Variants in VTI1A observed in about 807,000 individuals in gnomAD.
VTI1A encodes vesicle transport through interaction with t-SNAREs 1A, also known as vesicle transport through interaction with t-SNAREs homolog 1A.
In VTI1A, 22 loss-of-function variants were observed where a neutral mutation model predicts 34.9. The observed-to-expected ratio is 0.63, with a 90% CI of 0.45 to 0.90. The LOEUF is 0.90. Ranked by LOEUF, VTI1A falls within the 40% of genes least tolerant of loss-of-function variation. The pLI is 0.00. For missense variants in VTI1A, 268 were observed against 275.6 expected, an observed-to-expected ratio of 0.97 and a Z score of 0.20; for synonymous variants, 87 against 97.3, an observed-to-expected ratio of 0.89 and a Z score of 0.62.
intron 3 of VTI1A, among the ~76,000 whole-genome samples, chr10:112,498,857 G>A (rs1849122339): frequency 6.6e-6 from 1 of 152,136 alleles, no homozygotes; most frequent in Non-Finnish European, 1.5e-5. Flanking sequence ...CAGGTAGCCT[G>A]TCACTTTAAT....
At chr10:112,492,166 A>G (rs1259654070) in intron 3 of VTI1A, among the ~76,000 whole-genome samples, 1 of 151,964 alleles carries the variant, frequency 6.6e-6, no homozygotes, top group Non-Finnish European at 1.5e-5. Flanking sequence ...GTCGTCTCCA[A>G]TCTCCCCTTT....
At chr10:112,792,251 G>A (rs1029147957) in intron 7 of VTI1A, among the ~76,000 whole-genome samples, 5 of 152,164 alleles carry the variant, frequency 3.3e-5, no homozygotes, top group African/African-American at 4.8e-5. Flanking sequence ...CTCCAGCCTG[G>A]GCGACAGTGC....
At chr10:112,826,799 T>G in the VTI1A span, 1 of 152,216 alleles carries the variant, frequency 6.6e-6, no homozygotes, top group African/African-American at 2.4e-5. Flanking sequence ...GCTTTCAGTC[T>G]GCTTTGTCTG....
At chr10:112,499,487 A>G (rs570743050) in intron 3 of VTI1A, among the ~76,000 whole-genome samples, 2 of 152,318 alleles carry the variant, frequency 1.3e-5, no homozygotes, top group East Asian at 3.9e-4. Context: ...GCTTTCACCA[A>G]TGTCTATAGA....
rs1239853716 is a variant in VTI1A, at chr10:112,520,637, GTGTGTGTGTGTA to G, written c.265-6448_265-6437del. Among the ~76,000 whole-genome samples the G allele has an allele frequency of 3.9e-4, 47 of 121,248 alleles. No homozygotes were observed. The Middle Eastern group carries it at 0.017, about 44-fold the overall frequency. The allele number at this position is 121,248 out of a possible 152,430, so 79.5% of individuals were successfully genotyped here. Reference sequence around the variant, plus strand: ...AGTCTCTATATGTGTGTGTGTGTGTGTGTGTGTGTGTATATATATATATATATATATATATAA... The same window carrying G: ...AGTCTCTATATGTGTGTGTGTGTGTGTATATATATATATATATATATATAA... On this transcript the variant is annotated intron_variant, in intron 3 of 7. Coordinates refer to ENST00000393077, the MANE Select transcript of VTI1A (RefSeq NM_145206.4).
intron 3 of VTI1A, among the ~76,000 whole-genome samples, chr10:112,475,649 C>T (rs1289229824): frequency 6.6e-6 from 1 of 152,124 alleles, no homozygotes; most frequent in Non-Finnish European, 1.5e-5. Context: ...TATAATCCTT[C>T]TTAAATGACT....
intron 5 of VTI1A, among the ~76,000 whole-genome samples, chr10:112,622,107 A>G (rs545750243): frequency 6.6e-6 from 1 of 152,286 alleles, no homozygotes; most frequent in African/African-American, 2.4e-5. Flanking sequence ...TGTTTTCTGT[A>G]TGTAGGCAGG....
chr10:112,829,402 C>T, the VTI1A span, among the ~76,000 whole-genome samples: 1 of 150,252 alleles, frequency 6.7e-6, no homozygotes, highest in Admixed American at 6.7e-5. Flanking sequence ...CCAGACCGCG[C>T]CACTGCACTC....
intron 7 of VTI1A, among the ~76,000 whole-genome samples, chr10:112,696,958 T>A (rs540743879): frequency 2.0e-5 from 3 of 152,342 alleles, no homozygotes; most frequent in Non-Finnish European, 4.4e-5. Flanking sequence ...TGCCAGTTTT[T>A]ATTCAATAAA....
At chr10:112,667,883 C>T (rs894546049) in intron 5 of VTI1A, among the ~76,000 whole-genome samples, 1 of 152,110 alleles carries the variant, frequency 6.6e-6, no homozygotes, top group Admixed American at 6.6e-5. Flanking sequence ...TAAAAACCAA[C>T]AGCTAAATTC....
chr10:112,542,812 T>C (rs887396684), intron 5 of VTI1A, among the ~76,000 whole-genome samples: 6 of 152,174 alleles, frequency 3.9e-5, no homozygotes, highest in African/African-American at 1.4e-4. Flanking sequence ...ATTCTCCTAA[T>C]GCTATCCCTC....
At chr10:112,657,709 C>T (rs1847282481) in intron 5 of VTI1A, among the ~76,000 whole-genome samples, 1 of 152,088 alleles carries the variant, frequency 6.6e-6, no homozygotes, top group Non-Finnish European at 1.5e-5. Context: ...GCAATGGATA[C>T]TTAGGTATGA....
At chr10:112,648,016 C>T (rs4918764) in intron 5 of VTI1A, among the ~76,000 whole-genome samples, 13,836 of 152,224 alleles carry the variant, frequency 0.091, 814 homozygotes, top group Non-Finnish European at 0.13. Flanking sequence ...GCAATCCGCC[C>T]GCCTCAGCCT....
chr10:112,614,588 T>G (rs981735792), intron 5 of VTI1A, among the ~76,000 whole-genome samples: 2 of 152,222 alleles, frequency 1.3e-5, no homozygotes, highest in African/African-American at 4.8e-5. Context: ...TTTCTGTACC[T>G]AGATAACTAT....
the VTI1A span, among the ~76,000 whole-genome samples, chr10:112,828,119 C>G: frequency 6.6e-6 from 1 of 152,056 alleles, no homozygotes; most frequent in Non-Finnish European, 1.5e-5. Context: ...TGGAAAACAC[C>G]CCCAGGCATG....
chr10:112,642,158 G>C (rs953324661), intron 5 of VTI1A, among the ~76,000 whole-genome samples: 2 of 152,136 alleles, frequency 1.3e-5, no homozygotes, highest in Admixed American at 1.3e-4. Context: ...GACCGCATCT[G>C]GTTCATTTTT....
At position 112,480,992 on chromosome 10, in the gene VTI1A, T is replaced by A. The variant is rs115380700; in HGVS notation, c.264+16335T>A. Among the ~76,000 whole-genome samples the A allele has an allele frequency of 5.3e-3, 810 of 152,260 alleles. 8 individuals are homozygous for A. The highest frequency in any genetic ancestry group is 0.019 in the African/African-American group (772 of 41,538). ...AGAGAGCTTGAGAAAGCCTTATTGG[T>A]TAAGTTGAGCAGCTCAGCCTTTATC... On this transcript the variant is annotated intron_variant, in intron 3 of 7. Transcript: ENST00000393077.
intron 5 of VTI1A, among the ~76,000 whole-genome samples, chr10:112,610,313 AG>A (rs1845249011): frequency 6.6e-6 from 1 of 152,038 alleles, no homozygotes; most frequent in South Asian, 2.1e-4. Context: ...TTGTTGCCCT[AG>A]GTAAAAGCCC....
At chr10:112,613,160 C>T (rs924771424) in intron 5 of VTI1A, among the ~76,000 whole-genome samples, 3 of 151,938 alleles carry the variant, frequency 2.0e-5, no homozygotes, top group Admixed American at 1.3e-4. Flanking sequence ...ATGAAGAGGA[C>T]GTTTTAATAA....
Sources: gnomAD v4.1 joint callset for allele counts (sites outside exome capture counted in the v4.1 genomes callset) on GRCh38, gnomAD v4.1.1 for gene constraint, MANE v1.5 for transcripts, NCBI Gene and HGNC (gene_info 2026-07-23, HGNC 2026-07-21) for gene names.